SLC25A33: variants seen among roughly 807,000 people sequenced by gnomAD.
The protein encoded by SLC25A33 is solute carrier family 25 member 33.
In SLC25A33, 15 loss-of-function variants were observed where a neutral mutation model predicts 35.5. That is an observed-to-expected ratio of 0.42 (90% CI 0.28 to 0.65). SLC25A33 has a LOEUF of 0.65. Among genes scored for constraint, SLC25A33 ranks in the 30% least tolerant of loss-of-function variants. The probability of loss-of-function intolerance (pLI) is 0.20; values close to 1 mark genes in which losing one functional copy is unlikely to be tolerated. For missense variants in SLC25A33, 257 were observed against 398.5 expected, an observed-to-expected ratio of 0.64 and a Z score of 3.02; for synonymous variants, 136 against 148.7, an observed-to-expected ratio of 0.91 and a Z score of 0.62.
intron 1 of SLC25A33, 116 bp downstream of exon 1, chr1:9,539,863 C>A (rs1643049795): frequency 1.0e-6 from 1 of 1,003,606 alleles, no homozygotes; most frequent in Non-Finnish European, 1.3e-6. Flanking sequence ...GCTACGGCGC[C>A]GGCGCTCGGG....
At chr1:9,579,563 C>T (rs907367968) in intron 5 of SLC25A33, among the ~76,000 whole-genome samples, 2 of 152,128 alleles carry the variant, frequency 1.3e-5, no homozygotes, top group African/African-American at 4.8e-5. Context: ...GCTTTCATAC[C>T]CTCCCCGGGG....
rs957721970 is a variant in SLC25A33, at chr1:9,578,112, G to T, written c.483-1842G>T. Among the ~76,000 whole-genome samples the T allele has an allele frequency of 6.6e-6, 1 of 152,076 alleles. No homozygotes were observed. The highest frequency in any genetic ancestry group is 1.5e-5 in the Non-Finnish European group (1 of 68,026). On this transcript the variant is annotated intron_variant, in intron 5 of 6. Coordinates refer to ENST00000302692, the MANE Select transcript of SLC25A33 (RefSeq NM_032315.3). The surrounding 1 kb of genome is among the most constrained non-coding windows in gnomAD (Gnocchi z 4.3). ...TTTTGTATTTTTTAGTAGAGACGGG[G>T]TTTCACCGTGTTAGCCAGGATGGTC...
chr1:9,572,872 G>A lies in SLC25A33; in HGVS notation c.416-474G>A, dbSNP rs959407128. ...CCCTTGAGCCCAGGAATTGAGACTA[G>A]CCTGAGCAACAAGGGAGACCCGTCT... On this transcript the variant is annotated intron_variant, in intron 4 of 6. Transcript: ENST00000302692. Among the ~76,000 whole-genome samples the A allele has an allele frequency of 1.2e-4, 18 of 146,510 alleles. No homozygotes were observed. In the South Asian group the frequency reaches 2.8e-3, roughly 23 times the overall value.
chr1:9,560,537 C>T (rs2100389857), intron 2 of SLC25A33, among the ~76,000 whole-genome samples: 1 of 152,120 alleles, frequency 6.6e-6, no homozygotes, highest in Admixed American at 6.6e-5. Context: ...GCACTCCTGT[C>T]TGGGTAACAG....
At chr1:9,550,016 T>TATATATATATACA (rs1643243463) in intron 1 of SLC25A33, among the ~76,000 whole-genome samples, 1 of 99,314 alleles carries the variant, frequency 1.0e-5, no homozygotes, top group African/African-American at 4.3e-5. Context: ...TATATATTTT[T>TATATATATATACA]TTTTTTTTTT....
chr1:9,553,868 A>G, intron 2 of SLC25A33, 63 bp downstream of exon 2: 4 of 1,502,172 alleles, frequency 2.7e-6, no homozygotes, highest in Admixed American at 2.0e-5. Flanking sequence ...TCAACAGAGA[A>G]TGTTCATCAA....
At chr1:9,552,412 A>T (rs1362718353) in intron 1 of SLC25A33, among the ~76,000 whole-genome samples, 3 of 149,886 alleles carry the variant, frequency 2.0e-5, no homozygotes, top group Non-Finnish European at 4.4e-5. Context: ...TTTTTTTTTT[A>T]GTAGAGATTG....
chr1:9,543,401 C>T (rs1643123487), intron 1 of SLC25A33, among the ~76,000 whole-genome samples: 1 of 152,210 alleles, frequency 6.6e-6, no homozygotes, highest in Admixed American at 6.5e-5. Context: ...ACCTCAGCCT[C>T]CCAAAGTGTT....
intron 6 of SLC25A33, among the ~76,000 whole-genome samples, chr1:9,581,913 A>G (rs1165932959): frequency 2.0e-5 from 3 of 151,936 alleles, no homozygotes; most frequent in Admixed American, 2.0e-4. Context: ...AACCTTGACA[A>G]TTTTATTTTA....
At chr1:9,557,592 C>T (rs1486014572) in intron 2 of SLC25A33, among the ~76,000 whole-genome samples, 1 of 152,050 alleles carries the variant, frequency 6.6e-6, no homozygotes, top group African/African-American at 2.4e-5. Flanking sequence ...CCCAGCTACT[C>T]AGGAGGCTGA....
At chr1:9,577,727 G>A (rs1012518110) in intron 5 of SLC25A33, among the ~76,000 whole-genome samples, 1 of 152,004 alleles carries the variant, frequency 6.6e-6, no homozygotes, top group African/African-American at 2.4e-5. Context: ...GGAGGTAGGG[G>A]GTGCCCTCCA....
At position 9,553,212 on chromosome 1, in the gene SLC25A33, T is replaced by G. The variant is rs1312492679; in HGVS notation, c.57-414T>G. ...ATTGTGTTCTAGTTTTGTTTTTTTTTTTTTTTTTTTTTTTTGGGTTTTTTT... is the reference window on the plus strand; with the variant it reads ...ATTGTGTTCTAGTTTTGTTTTTTTTGTTTTTTTTTTTTTTTGGGTTTTTTT... On this transcript the variant is annotated intron_variant, in intron 1 of 6. Transcript: ENST00000302692. Among the ~76,000 whole-genome samples the G allele has an allele frequency of 8.8e-3, 1,195 of 135,240 alleles. 13 individuals carry two copies. Among genetic ancestry groups the G allele is most frequent in the African/African-American group, 0.032 (1,123 of 35,042 alleles). 88.7% of individuals were successfully genotyped at this position (135,240 alleles called of 152,430 possible). A position where few individuals can be genotyped will look rare whatever the true frequency, so the allele number is the denominator to read the frequency against.
chr1:9,549,684 G>A lies in SLC25A33; in HGVS notation c.57-3942G>A, dbSNP rs138203600. Among the ~76,000 whole-genome samples the A allele has an allele frequency of 4.0e-5, 6 of 148,876 alleles. No individual in the cohort carries two copies. In the East Asian group the frequency reaches 5.9e-4, roughly 15 times the overall value. Reference sequence around the variant, plus strand: ...CGCTCAGGCTGGAGTGCAGTTATGCGAGATCGGCTCACTGTAACCTCCGCC... The same window carrying A: ...CGCTCAGGCTGGAGTGCAGTTATGCAAGATCGGCTCACTGTAACCTCCGCC... On this transcript the variant is annotated intron_variant, in intron 1 of 6. Transcript: ENST00000302692.
chr1:9,550,011 ATTTT>A (rs70979761), intron 1 of SLC25A33, among the ~76,000 whole-genome samples: 5 of 48,862 alleles, frequency 1.0e-4, no homozygotes, highest in South Asian at 7.3e-4. Context: ...ATATATATAT[ATTTT>A]TTTTTTTTTT....
intron 2 of SLC25A33, among the ~76,000 whole-genome samples, chr1:9,566,570 G>A (rs1412932655): frequency 6.6e-6 from 1 of 152,126 alleles, no homozygotes; most frequent in East Asian, 1.9e-4. Flanking sequence ...TGTTGGGCCG[G>A]GTGTGGTGGC....
rs1643647987 is a variant in SLC25A33, at chr1:9,575,359, G to A, written c.482+1947G>A. On this transcript the variant is annotated intron_variant, in intron 5 of 6. Transcript: ENST00000302692. ...GAGCTGGGCGTAGTGGCTCATGCCT[G>A]TAATCCCAGCACTTTGGGAGGCCGA... Among the ~76,000 whole-genome samples, 3 of 152,064 alleles carry A rather than the reference G, an allele frequency of 2.0e-5. No individual in the cohort carries two copies. In the South Asian group the frequency reaches 6.2e-4, roughly 32 times the overall value.
At chr1:9,564,017 T>C (rs571097031) in intron 2 of SLC25A33, among the ~76,000 whole-genome samples, 1 of 152,326 alleles carries the variant, frequency 6.6e-6, no homozygotes, top group East Asian at 1.9e-4. Flanking sequence ...CCTTAAGTGC[T>C]ATCAAATGGA....
chr1:9,549,144 T>A (rs1167716398), intron 1 of SLC25A33, among the ~76,000 whole-genome samples: 1 of 152,078 alleles, frequency 6.6e-6, no homozygotes. Flanking sequence ...CTGGGTGGTA[T>A]GCTTGGGAAG....
At chr1:9,545,662 A>G (rs1214203116) in intron 1 of SLC25A33, among the ~76,000 whole-genome samples, 2 of 149,348 alleles carry the variant, frequency 1.3e-5, no homozygotes, top group East Asian at 4.3e-4. Flanking sequence ...GGGACTCCCA[A>G]AGTGCTGGGA....
Sources: gnomAD v4.1 joint callset for allele counts (sites outside exome capture counted in the v4.1 genomes callset) on GRCh38, gnomAD v4.1.1 for gene constraint, Gnocchi (gnomAD v3.1) non-coding constraint, MANE v1.5 for transcripts, NCBI Gene and HGNC (gene_info 2026-07-23, HGNC 2026-07-21) for gene names.